The following ZFPM2 variants were observed in gnomAD, a reference collection of about 807,000 sequenced individuals.
ZFPM2 encodes zinc finger protein, FOG family member 2.
A neutral mutation model predicts 98.6 loss-of-function variants in ZFPM2; 20 were observed. The observed-to-expected ratio is 0.20, with a 90% confidence interval of 0.14 to 0.29. The LOEUF (loss-of-function observed/expected upper bound fraction) is 0.29. Ranked by LOEUF, ZFPM2 falls within the 10% of genes least tolerant of loss-of-function variation. The pLI, the probability that ZFPM2 is intolerant of heterozygous loss-of-function variation, is 1.00. For synonymous variants in ZFPM2, 518 were observed against 502.7 expected (o/e 1.03, Z -0.41); for missense variants, 1,310 against 1,388.6 (o/e 0.94, Z 0.90).
chr8:105,399,609 G>A (rs978811031), intron 1 of ZFPM2, among the ~76,000 whole-genome samples: 5 of 152,156 alleles, frequency 3.3e-5, no homozygotes, highest in Non-Finnish European at 5.9e-5. Flanking sequence ...GGCATGCTAA[G>A]CTAGAGAGGA....
Position 105,735,550 on chromosome 8 carries a change from C to A in ZFPM2, c.533-53168C>A, listed in dbSNP as rs1812047030. ...AATGTTTAGGAAAGATCATGAGATT[C>A]CCTGTGTATATAAAATATTGTGATT... On this transcript the variant is annotated intron_variant, in intron 5 of 7. Transcript: ENST00000407775. Among the ~76,000 whole-genome samples the A allele has an allele frequency of 2.0e-5, 3 of 151,978 alleles. No individual in the cohort carries two copies. In the East Asian group the frequency reaches 5.9e-4, roughly 30 times the overall value.
At chr8:105,354,432 A>T (rs1438156516) in intron 1 of ZFPM2, among the ~76,000 whole-genome samples, 13 of 152,234 alleles carry the variant, frequency 8.5e-5, no homozygotes, top group Non-Finnish European at 1.5e-4. Context: ...TTAAACATTC[A>T]TCAGACTTCA....
At chr8:105,678,506 A>C (rs1810522534) in intron 5 of ZFPM2, 1 of 152,196 alleles carries the variant, frequency 6.6e-6, no homozygotes, top group African/African-American at 2.4e-5. Flanking sequence ...TCCTGGTCTC[A>C]ACATAGAGCA....
At chr8:105,641,834 A>G (rs1028186090) in intron 5 of ZFPM2, among the ~76,000 whole-genome samples, 2 of 152,076 alleles carry the variant, frequency 1.3e-5, no homozygotes, top group Non-Finnish European at 2.9e-5. Flanking sequence ...CAATAATCCC[A>G]CTAATTACCT....
At position 105,393,379 on chromosome 8, in the gene ZFPM2, T is replaced by TTTCTTTCTTTCTTTCC. The variant is rs1563637998; in HGVS notation, c.41-25752_41-25751insTCCTTCTTTCTTTCTT. 4.7e-5 allele frequency among the ~76,000 whole-genome samples: 5 copies of TTTCTTTCTTTCTTTCC among 106,604 alleles called. No individual in the cohort carries two copies. The East Asian group carries it at 9.6e-4, about 20-fold the overall frequency. 69.9% of individuals were successfully genotyped at this position (106,604 alleles called of 152,430 possible). A position where few individuals can be genotyped will look rare whatever the true frequency, so the allele number is the denominator to read the frequency against. The stretch of plus-strand genomic sequence containing the variant: ...CTTTCTTTCTTTCTTTCTTTCTTTC[T>TTTCTTTCTTTCTTTCC]TTCTTTCTTTCTTCTTCAGAATTTA... On this transcript the variant is annotated intron_variant, in intron 1 of 7. Transcript: ENST00000407775.
intron 4 of ZFPM2, among the ~76,000 whole-genome samples, chr8:105,580,799 T>TTC (rs770366065): frequency 0.028 from 3,969 of 142,896 alleles, 70 homozygotes; most frequent in Non-Finnish European, 0.04. Context: ...ATAATCATCA[T>TTC]TCTCTCTCTC....
intron 1 of ZFPM2, among the ~76,000 whole-genome samples, chr8:105,396,546 T>C (rs1811221920): frequency 6.6e-6 from 1 of 152,148 alleles, no homozygotes; most frequent in Non-Finnish European, 1.5e-5. Context: ...ATGTTCAATA[T>C]AGAAAGGACC....
intron 1 of ZFPM2, among the ~76,000 whole-genome samples, chr8:105,388,770 C>T (rs1301312866): frequency 6.6e-6 from 1 of 152,172 alleles, no homozygotes; most frequent in Non-Finnish European, 1.5e-5. Flanking sequence ...AAGTTAACAG[C>T]TTCCTGCTGT....
chr8:105,324,712 G>T lies in ZFPM2; in HGVS notation c.40+5731G>T, dbSNP rs1190512872. ...TTAAATATATAACTTTTCCTCAAAA[G>T]GTATTAAGTGAATAAACTAATTTTA... On this transcript the variant is annotated intron_variant, in intron 1 of 7. Transcript: ENST00000407775. Among the ~76,000 whole-genome samples, 5 of 151,690 alleles carry T rather than the reference G, an allele frequency of 3.3e-5. No homozygotes were observed. In the East Asian group the frequency reaches 7.7e-4, roughly 23 times the overall value.
chr8:105,793,487 A>T (rs1212735434), intron 6 of ZFPM2, among the ~76,000 whole-genome samples: 1 of 152,102 alleles, frequency 6.6e-6, no homozygotes, highest in Non-Finnish European at 1.5e-5. Flanking sequence ...CTTTGTGGGT[A>T]ACCCGTCCTT....
intron 3 of ZFPM2, among the ~76,000 whole-genome samples, chr8:105,467,900 T>C (rs79223899): frequency 6.3e-4 from 96 of 151,996 alleles, no homozygotes; most frequent in African/African-American, 2.1e-3. Context: ...ATTGGAAGGG[T>C]AAGGATGATT....
At chr8:105,562,795 T>A (rs549993274) in intron 4 of ZFPM2, among the ~76,000 whole-genome samples, 2 of 152,222 alleles carry the variant, frequency 1.3e-5, no homozygotes, top group Non-Finnish European at 2.9e-5. Flanking sequence ...TAAGGTCAGC[T>A]GATTAACACT....
chr8:105,380,686 A>ATTATATATATG lies in ZFPM2; in HGVS notation c.41-38449_41-38448insTGTTATATATA, dbSNP rs1563630911. 2.3e-4 allele frequency among the ~76,000 whole-genome samples: 4 copies of ATTATATATATG among 17,256 alleles called. 1 individual carries two copies. The highest frequency in any genetic ancestry group is 9.5e-4 in the African/African-American group (4 of 4,192). The allele number at this position is 17,256 out of a possible 152,430, so 11.3% of individuals were successfully genotyped here. A position where few individuals can be genotyped will look rare whatever the true frequency, so the allele number is the denominator to read the frequency against. ...TATATAACATATATATTATATATAT[A>ATTATATATATG]TTATATATAACATATATAATATATA... On this transcript the variant is annotated intron_variant, in intron 1 of 7. Transcript: ENST00000407775.
Position 105,801,814 on chromosome 8 carries a change from A to T in ZFPM2, c.1732A>T (p.Met578Leu), listed in dbSNP as rs1393761647. ...KHYCSSRWQQMAKSPEFPSVS... is the reference protein window; with the variant it reads ...KHYCSSRWQQLAKSPEFPSVS... ...TTATTGCAGCAGCCGATGGCAGCAG[A>T]TGGCTAAGTCCCCAGAGTTCCCTAG... The change falls in exon 8 of 8, where the codon ATG becomes TTG. Residue 578 changes from methionine (M) to leucine (L), a missense_variant. Physicochemically the swap from Met to Leu is conservative, Grantham distance 15. Transcript: ENST00000407775. The T allele has an allele frequency of 1.2e-6, 2 of 1,613,862 alleles. No homozygotes were observed. Among genetic ancestry groups the T allele is most frequent in the African/African-American group, 2.7e-5 (2 of 74,922 alleles).
At chr8:105,569,525 C>A (rs916227722) in intron 4 of ZFPM2, among the ~76,000 whole-genome samples, 1 of 152,174 alleles carries the variant, frequency 6.6e-6, no homozygotes, top group Non-Finnish European at 1.5e-5. Flanking sequence ...GAGGAAACTT[C>A]AGTAGGACAA....
At chr8:105,571,910 C>A (rs769224626) in intron 4 of ZFPM2, among the ~76,000 whole-genome samples, 2 of 152,182 alleles carry the variant, frequency 1.3e-5, no homozygotes, top group African/African-American at 2.4e-5. Context: ...GCATTGACAA[C>A]CTTTATTATC....
chr8:105,621,043 T>G (rs951186454), intron 4 of ZFPM2, among the ~76,000 whole-genome samples: 1 of 152,200 alleles, frequency 6.6e-6, no homozygotes, highest in Non-Finnish European at 1.5e-5. Flanking sequence ...AAATTTAAAG[T>G]AGTTTTCTTC....
In ZFPM2 at chr8:105,654,192, A is replaced by T. The variant is rs56220816; in HGVS notation, c.532+19835A>T. Among the ~76,000 whole-genome samples the T allele has an allele frequency of 1.3e-3, 203 of 151,990 alleles. 1 individual carries two copies. The highest frequency in any genetic ancestry group is 4.8e-3 in the African/African-American group (199 of 41,484). ...GCTTGCCTCTGTCATCCTTCCTGCG[A>T]AGTAAAAGAGGAAAAAAAGAGAAGG... On this transcript the variant is annotated intron_variant, in intron 5 of 7. Coordinates refer to ENST00000407775, the MANE Select transcript of ZFPM2 (RefSeq NM_012082.4).
chr8:105,590,764 A>G (rs549904583), intron 4 of ZFPM2, among the ~76,000 whole-genome samples: 15 of 132,328 alleles, frequency 1.1e-4, no homozygotes, highest in South Asian at 9.1e-4. Flanking sequence ...GTGCGCACGC[A>G]CACACACACA....
Sources: allele counts gnomAD v4.1 joint callset (sites outside exome capture counted in the v4.1 genomes callset), GRCh38; gene constraint gnomAD v4.1.1; transcripts MANE v1.5; gene names NCBI Gene and HGNC (gene_info 2026-07-23, HGNC 2026-07-21).